The following AGBL4 variants were observed in gnomAD, a reference collection of about 807,000 sequenced individuals.
AGBL4 encodes the protein cytosolic carboxypeptidase 6.
In AGBL4, 58 loss-of-function variants were observed where a neutral mutation model predicts 66.4. That is an observed-to-expected ratio of 0.87 (90% CI 0.71 to 1.09). The LOEUF (loss-of-function observed/expected upper bound fraction) is 1.09, where lower values mean the gene tolerates loss of function less well. Ranked by LOEUF, AGBL4 falls within the 50% of genes least tolerant of loss-of-function variation. The probability of loss-of-function intolerance (pLI) is 0.00; values close to 1 mark genes in which losing one functional copy is unlikely to be tolerated. For missense variants in AGBL4, 579 were observed against 631.0 expected (o/e 0.92, Z 0.88); for synonymous variants, 234 against 222.9 (o/e 1.05, Z -0.44).
intron 5 of AGBL4, among the ~76,000 whole-genome samples, chr1:48,893,908 C>T (rs191284527): frequency 9.2e-5 from 14 of 152,210 alleles, no homozygotes; most frequent in Non-Finnish European, 1.5e-4. Context: ...GTTTATGGTA[C>T]TTTGTTATGG....
At position 49,608,804 on chromosome 1, in the gene AGBL4, C is replaced by A. The variant is rs144267397; in HGVS notation, c.282+88509G>T. Among the ~76,000 whole-genome samples, 10 of 152,050 alleles carry A rather than the reference C, an allele frequency of 6.6e-5. No individual in the cohort carries two copies. In the East Asian group the frequency reaches 1.9e-3, roughly 29 times the overall value. ...CTCTTCTAACGATAATAATAGTAAG[C>A]ATAACAATAGAAACTACGATTTATT... On this transcript the variant is annotated intron_variant, in intron 3 of 13. Coordinates refer to ENST00000371839, the MANE Select transcript of AGBL4 (RefSeq NM_032785.4).
At chr1:49,996,642 G>A (rs1660389463) in intron 1 of AGBL4, among the ~76,000 whole-genome samples, 1 of 152,120 alleles carries the variant, frequency 6.6e-6, no homozygotes, top group Non-Finnish European at 1.5e-5. Context: ...ATATACTTGA[G>A]AAAATAATTG....
At chr1:48,967,929 T>C (rs558138166) in intron 5 of AGBL4, among the ~76,000 whole-genome samples, 55 of 152,300 alleles carry the variant, frequency 3.6e-4, no homozygotes, top group African/African-American at 1.3e-3. Context: ...TTCTTCTCCT[T>C]TGGCAAGTTA....
intron 6 of AGBL4, among the ~76,000 whole-genome samples, chr1:48,783,307 C>T (rs1645339726): frequency 6.6e-6 from 1 of 152,152 alleles, no homozygotes; most frequent in African/African-American, 2.4e-5. Flanking sequence ...TTCATATGCA[C>T]TCCTGCTCAT....
At position 49,595,672 on chromosome 1, in the gene AGBL4, C is replaced by G. The variant is rs554061810; in HGVS notation, c.282+101641G>C. 7.3e-5 allele frequency among the ~76,000 whole-genome samples: 11 copies of G among 151,208 alleles called. No individual in the cohort carries two copies. In the South Asian group the frequency reaches 2.3e-3, roughly 32 times the overall value. On this transcript the variant is annotated intron_variant, in intron 3 of 13. Coordinates refer to ENST00000371839, the MANE Select transcript of AGBL4 (RefSeq NM_032785.4). The stretch of plus-strand genomic sequence containing the variant: ...TTGATGACATTTTTAAATGAAATAC[C>G]CAAGCTTGAAATGCAATTATTTCAT...
At chr1:49,002,384 T>C (rs908632606) in intron 5 of AGBL4, among the ~76,000 whole-genome samples, 8 of 152,180 alleles carry the variant, frequency 5.3e-5, no homozygotes, top group African/African-American at 1.9e-4. Flanking sequence ...GAGGTTCTGT[T>C]CACCAGGCTG....
rs956244510 is a variant in AGBL4, at chr1:48,762,120, A to G, written c.635-98879T>C. 3.9e-5 allele frequency among the ~76,000 whole-genome samples: 6 copies of G among 152,308 alleles called. No homozygotes were observed. In the Middle Eastern group the frequency reaches 0.01, roughly 259 times the overall value. On this transcript the variant is annotated intron_variant, in intron 6 of 13. Transcript: ENST00000371839. ...CGCTCATGTTACATGAGGAAATTCA[A>G]ACCCAGAGGATGGAAGAGGCTTGCC...
chr1:48,847,944 G>C (rs773037484), intron 6 of AGBL4, among the ~76,000 whole-genome samples: 3 of 152,146 alleles, frequency 2.0e-5, no homozygotes, highest in Non-Finnish European at 4.4e-5. Flanking sequence ...AACATTAGCA[G>C]AAGGGCCACA....
At chr1:49,440,505 A>C (rs558921066) in intron 3 of AGBL4, among the ~76,000 whole-genome samples, 117 of 152,336 alleles carry the variant, frequency 7.7e-4, no homozygotes, top group African/African-American at 2.7e-3. Context: ...CTCTATACAT[A>C]ATACCTTTGA....
At chr1:49,702,787 C>A (rs1182132676) in intron 2 of AGBL4, among the ~76,000 whole-genome samples, 6 of 151,912 alleles carry the variant, frequency 3.9e-5, no homozygotes, top group African/African-American at 9.7e-5. Context: ...AAAGTTGGTA[C>A]AACACACGAA....
At chr1:49,438,566 G>A (rs767179460) in intron 3 of AGBL4, among the ~76,000 whole-genome samples, 16 of 152,036 alleles carry the variant, frequency 1.1e-4, no homozygotes, top group Non-Finnish European at 1.8e-4. Flanking sequence ...AATGGACATC[G>A]CCAAAATTCA....
At chr1:49,396,996 T>G (rs1297255027) in intron 3 of AGBL4, among the ~76,000 whole-genome samples, 2 of 152,174 alleles carry the variant, frequency 1.3e-5, no homozygotes, top group African/African-American at 2.4e-5. Context: ...TTATAAGTAG[T>G]GTGCAACCTA....
At chr1:48,691,816 T>A (rs984376924) in intron 6 of AGBL4, among the ~76,000 whole-genome samples, 1 of 152,100 alleles carries the variant, frequency 6.6e-6, no homozygotes, top group African/African-American at 2.4e-5. Context: ...CCTCTCAGAA[T>A]ACCAGCTCTG....
At chr1:49,250,752 C>A (rs929026385) in intron 3 of AGBL4, among the ~76,000 whole-genome samples, 1 of 152,118 alleles carries the variant, frequency 6.6e-6, no homozygotes, top group Non-Finnish European at 1.5e-5. Context: ...AGAACTCATT[C>A]TTGAACCACA....
intron 3 of AGBL4, among the ~76,000 whole-genome samples, chr1:49,332,088 G>C (rs1220893717): frequency 6.6e-6 from 1 of 152,202 alleles, no homozygotes; most frequent in Non-Finnish European, 1.5e-5. Context: ...AGGGAGGCTA[G>C]TTTGTTAGTT....
chr1:49,111,303 G>C (rs60488191), intron 4 of AGBL4, among the ~76,000 whole-genome samples: 1 of 152,022 alleles, frequency 6.6e-6, no homozygotes, highest in South Asian at 2.1e-4. Context: ...TAGTAGAGAC[G>C]AGGTTTCACC....
chr1:48,877,723 C>T (rs529594505), intron 5 of AGBL4, among the ~76,000 whole-genome samples: 1 of 151,994 alleles, frequency 6.6e-6, no homozygotes, highest in Admixed American at 6.6e-5. Context: ...GTAGGACTTG[C>T]CCCAGTTCAT....
At chr1:49,170,101 A>T (rs934194403) in intron 4 of AGBL4, among the ~76,000 whole-genome samples, 32 of 151,542 alleles carry the variant, frequency 2.1e-4, no homozygotes, top group Non-Finnish European at 1.6e-4. Flanking sequence ...TCATCCAGGT[A>T]ACCAAAAACC....
rs1643931267 is a variant in AGBL4 at position 48,534,066 on chromosome 1, T to C, written c.*107A>G. ...GTATCCCTTCCCTTTCACTAGCCTA[T>C]GCATTAATCCACAAATCCTTGGAAG... On this transcript the variant is annotated 3_prime_UTR_variant, in exon 14 of 14. Coordinates refer to ENST00000371839, the MANE Select transcript of AGBL4 (RefSeq NM_032785.4). 6.7e-7 allele frequency: 1 copy of C among 1,490,892 alleles called. No homozygotes were observed. The highest frequency in any genetic ancestry group is 1.2e-5 in the South Asian group (1 of 82,370). The allele number at this position is 1,490,892 out of a possible 1,614,324, so 92.4% of individuals were successfully genotyped here.
Sources: allele counts gnomAD v4.1 joint callset (sites outside exome capture counted in the v4.1 genomes callset), GRCh38; gene constraint gnomAD v4.1.1; transcripts MANE v1.5; gene names NCBI Gene and HGNC (gene_info 2026-07-23, HGNC 2026-07-21).